HPSE2: variants seen among roughly 807,000 people sequenced by gnomAD.
The protein encoded by HPSE2 is heparanase 2 (inactive).
Under a neutral mutation model 60.5 loss-of-function variants are expected in HPSE2, and 38 were observed. The ratio of observed to expected loss-of-function variants is 0.63; its 90% CI spans 0.48 to 0.82. The LOEUF is 0.82. Among genes scored for constraint, HPSE2 ranks in the 40% least tolerant of loss-of-function variants. The pLI, the probability that HPSE2 is intolerant of heterozygous loss-of-function variation, is 0.00. For missense variants in HPSE2, 713 were observed against 740.4 expected (o/e 0.96, Z 0.43); for synonymous variants, 295 against 293.2 (o/e 1.01, Z -0.06).
chr10:98,730,604 TCA>T lies in HPSE2; in HGVS notation c.785-8778_785-8777del, dbSNP rs370009074. Among the ~76,000 whole-genome samples, 205 of 148,510 alleles carry T rather than the reference TCA, an allele frequency of 1.4e-3. 1 individual carries two copies. Among genetic ancestry groups the T allele is most frequent in the South Asian group, 4.4e-3 (20 of 4,572 alleles). On this transcript the variant is annotated intron_variant, in intron 4 of 11. Coordinates refer to ENST00000370552, the MANE Select transcript of HPSE2 (RefSeq NM_021828.5). ...ACCACCGAAAAAAGAGAGAGAGAAG[TCA>T]CAGATTACCAAAAGGGAACACCACT...
intron 3 of HPSE2, among the ~76,000 whole-genome samples, chr10:99,076,445 TG>T (rs1842954263): frequency 6.6e-6 from 1 of 152,204 alleles, no homozygotes; most frequent in Non-Finnish European, 1.5e-5. Flanking sequence ...TGGAGAGCAG[TG>T]GTGTGATCTC....
intron 3 of HPSE2, among the ~76,000 whole-genome samples, chr10:99,019,926 G>A (rs1328617496): frequency 1.3e-5 from 2 of 151,912 alleles, no homozygotes; most frequent in East Asian, 1.9e-4. Flanking sequence ...TGGCCAGGCT[G>A]GTCTCAAACT....
At chr10:98,862,397 C>CA in intron 3 of HPSE2, among the ~76,000 whole-genome samples, 1 of 152,218 alleles carries the variant, frequency 6.6e-6, no homozygotes, top group South Asian at 2.1e-4. Flanking sequence ...CTGACACTTC[C>CA]ACTTATTAGA....
rs548509090 is a variant in HPSE2 at position 98,814,545 on chromosome 10, T to C, written c.611-70489A>G. The stretch of plus-strand genomic sequence containing the variant: ...ACAAGCAGCTGAAAGTGAAGCATGA[T>C]TGCAGACCCACATGACTGCCCAACG... On this transcript the variant is annotated intron_variant, in intron 3 of 11. Coordinates refer to ENST00000370552, the MANE Select transcript of HPSE2 (RefSeq NM_021828.5). Among the ~76,000 whole-genome samples the C allele has an allele frequency of 5.3e-5, 8 of 152,330 alleles. No individual in the cohort carries two copies. In the South Asian group the frequency reaches 1.0e-3, roughly 20 times the overall value.
intron 5 of HPSE2, among the ~76,000 whole-genome samples, chr10:98,705,768 C>A (rs4288690): frequency 4.0e-5 from 6 of 151,660 alleles, no homozygotes; most frequent in African/African-American, 1.5e-4. Flanking sequence ...GGTGGGGGAG[C>A]GAGGAGAGGG....
At chr10:99,070,230 AC>A (rs1420957387) in intron 3 of HPSE2, among the ~76,000 whole-genome samples, 4 of 152,232 alleles carry the variant, frequency 2.6e-5, no homozygotes, top group African/African-American at 9.6e-5. Context: ...CTGACAAATG[AC>A]TTGGATCTAC....
At chr10:98,592,305 T>A (rs1325061910) in intron 9 of HPSE2, among the ~76,000 whole-genome samples, 1 of 152,220 alleles carries the variant, frequency 6.6e-6, no homozygotes, top group African/African-American at 2.4e-5. Flanking sequence ...TCCTCTTGCA[T>A]CCTCAGGAAT....
At chr10:99,049,406 A>T (rs185216303) in intron 3 of HPSE2, among the ~76,000 whole-genome samples, 25 of 152,272 alleles carry the variant, frequency 1.6e-4, no homozygotes, top group African/African-American at 6.0e-4. Context: ...TATAAAAACT[A>T]AATATTGAAA....
intron 3 of HPSE2, among the ~76,000 whole-genome samples, chr10:99,049,664 C>T (rs1339050335): frequency 6.6e-6 from 1 of 151,922 alleles, no homozygotes; most frequent in Non-Finnish European, 1.5e-5. Flanking sequence ...TTTCTAGCTC[C>T]AGCAAAAGTA....
chr10:98,564,470 A>T (rs1440291242), intron 9 of HPSE2, among the ~76,000 whole-genome samples: 1 of 152,148 alleles, frequency 6.6e-6, no homozygotes, highest in Non-Finnish European at 1.5e-5. Flanking sequence ...CTTCTTTCAA[A>T]TTTTTAGTTG....
chr10:99,063,689 A>G (rs1842520868), intron 3 of HPSE2, among the ~76,000 whole-genome samples: 1 of 152,238 alleles, frequency 6.6e-6, no homozygotes, highest in Non-Finnish European at 1.5e-5. Flanking sequence ...TTAATGGTAA[A>G]TAAATGCCTA....
intron 3 of HPSE2, among the ~76,000 whole-genome samples, chr10:98,907,764 C>G (rs1210683927): frequency 6.6e-6 from 1 of 152,126 alleles, no homozygotes; most frequent in East Asian, 1.9e-4. Flanking sequence ...AAAAACACTA[C>G]TCCTGCTTTC....
intron 3 of HPSE2, among the ~76,000 whole-genome samples, chr10:98,974,704 G>A (rs1956044560): frequency 6.6e-6 from 1 of 152,116 alleles, no homozygotes; most frequent in Admixed American, 6.5e-5. Flanking sequence ...TTCAACTTGA[G>A]GCACCAATAT....
chr10:98,727,365 G>T (rs1164819330), intron 4 of HPSE2, among the ~76,000 whole-genome samples: 2 of 152,096 alleles, frequency 1.3e-5, no homozygotes, highest in African/African-American at 2.4e-5. Context: ...AAGAACTAAA[G>T]ACAGTCTGGG....
At chr10:99,112,408 TTTTGTTGTG>T (rs1164228671) in intron 3 of HPSE2, among the ~76,000 whole-genome samples, 59 of 89,636 alleles carry the variant, frequency 6.6e-4, no homozygotes, top group African/African-American at 1.6e-3. Flanking sequence ...CCCGGCTTTT[TTTTGTTGTG>T]TTTTGTTTTG....
chr10:98,864,483 C>T lies in HPSE2; in HGVS notation c.611-120427G>A, dbSNP rs1454398367. Reference sequence around the variant, plus strand: ...TATTGAGAATATATGGGCCAAGGAACTTTATATTCATTATCTTATATAATC... The same window carrying T: ...TATTGAGAATATATGGGCCAAGGAATTTTATATTCATTATCTTATATAATC... On this transcript the variant is annotated intron_variant, in intron 3 of 11. Transcript: ENST00000370552. 3.3e-5 allele frequency among the ~76,000 whole-genome samples: 5 copies of T among 152,210 alleles called. No homozygotes were observed. In the South Asian group the frequency reaches 1.0e-3, roughly 32 times the overall value.
intron 3 of HPSE2, among the ~76,000 whole-genome samples, chr10:99,091,395 A>G (rs1843508088): frequency 1.3e-5 from 2 of 152,160 alleles, no homozygotes; most frequent in South Asian, 4.1e-4. Context: ...CTTAGTTGGT[A>G]CCTGCAGAGC....
intron 6 of HPSE2, among the ~76,000 whole-genome samples, chr10:98,652,342 G>A (rs182230077): frequency 1.2e-4 from 19 of 152,196 alleles, no homozygotes; most frequent in South Asian, 6.2e-4. Context: ...CCAACTCATC[G>A]TCTCTGCCTC....
At chr10:98,680,825 G>A (rs1489966727) in intron 6 of HPSE2, among the ~76,000 whole-genome samples, 1 of 151,952 alleles carries the variant, frequency 6.6e-6, no homozygotes, top group African/African-American at 2.4e-5. Flanking sequence ...GCATGATCTC[G>A]GCTCACTGTA....
Sources: allele counts gnomAD v4.1 joint callset (sites outside exome capture counted in the v4.1 genomes callset), GRCh38; gene constraint gnomAD v4.1.1; transcripts MANE v1.5; gene names NCBI Gene and HGNC (gene_info 2026-07-23, HGNC 2026-07-21).